TCF7L2: variants seen among roughly 807,000 people sequenced by gnomAD.
TCF7L2 encodes the protein transcription factor 7-like 2.
In TCF7L2, 23 loss-of-function variants were observed where a neutral mutation model predicts 77.9. That is an observed-to-expected ratio of 0.30 (90% confidence interval 0.21 to 0.42). The LOEUF (loss-of-function observed/expected upper bound fraction) is 0.42. TCF7L2 is among the 10% of genes least tolerant of loss of function. TCF7L2 has a pLI of 1.00. For synonymous variants in TCF7L2, 413 were observed against 340.2 expected, an observed-to-expected ratio of 1.21 and a Z score of -2.36; for missense variants, 654 against 793.1, an observed-to-expected ratio of 0.82 and a Z score of 2.11.
At chr10:113,016,928 T>C (rs2047429589) in intron 4 of TCF7L2, among the ~76,000 whole-genome samples, 1 of 152,162 alleles carries the variant, frequency 6.6e-6, no homozygotes, top group South Asian at 2.1e-4. Context: ...CTAAACTTGC[T>C]GGTGTCTCTC....
At chr10:113,065,849 T>A (rs369795592) in intron 5 of TCF7L2, among the ~76,000 whole-genome samples, 1 of 152,216 alleles carries the variant, frequency 6.6e-6, no homozygotes, top group Non-Finnish European at 1.5e-5. Flanking sequence ...AAACATGATA[T>A]GTTGCTTTGC....
intron 5 of TCF7L2, among the ~76,000 whole-genome samples, chr10:113,076,696 C>G (rs562992843): frequency 6.6e-6 from 1 of 152,198 alleles, no homozygotes; most frequent in Non-Finnish European, 1.5e-5. Flanking sequence ...GCGGTTCCCA[C>G]TTTAACCTTG....
chr10:113,045,052 G>A (rs1470801558), intron 5 of TCF7L2, among the ~76,000 whole-genome samples: 1 of 152,156 alleles, frequency 6.6e-6, no homozygotes, highest in Non-Finnish European at 1.5e-5. Flanking sequence ...TAGGTAGATG[G>A]AGATGCTTCA....
chr10:112,995,703 C>G (rs999225112), intron 4 of TCF7L2, among the ~76,000 whole-genome samples: 1 of 152,172 alleles, frequency 6.6e-6, no homozygotes, highest in African/African-American at 2.4e-5. Flanking sequence ...GTCATTCCCT[C>G]GGAGAGGCCC....
At chr10:113,159,328 T>C (rs1564982955) in intron 12 of TCF7L2, among the ~76,000 whole-genome samples, 1 of 152,048 alleles carries the variant, frequency 6.6e-6, no homozygotes, top group Non-Finnish European at 1.5e-5. Flanking sequence ...TGAAAATAGA[T>C]TTAAAAAAAA....
intron 5 of TCF7L2, among the ~76,000 whole-genome samples, chr10:113,079,661 TCC>T (rs1182390933): frequency 6.6e-6 from 1 of 151,954 alleles, no homozygotes; most frequent in Non-Finnish European, 1.5e-5. Context: ...GATGGACCCA[TCC>T]CTTTTTTTTT....
In TCF7L2 at chr10:113,152,452, A is replaced by G. The variant is rs755755125; in HGVS notation, c.1269+12A>G. 4.2e-5 allele frequency: 68 copies of G among 1,605,032 alleles called. No homozygotes were observed. The highest frequency in any genetic ancestry group is 5.4e-5 in the Non-Finnish European group (63 of 1,173,208). On this transcript the variant is annotated intron_variant, in intron 11 of 13. Coordinates refer to ENST00000627217, the MANE Select transcript of TCF7L2 (RefSeq NM_001146274.2). ...CGCGGGATAACTATGTAGGTGGATCATTTTCGTTAGGATTGGAGTCTGTAG... is the reference window on the plus strand; with the variant it reads ...CGCGGGATAACTATGTAGGTGGATCGTTTTCGTTAGGATTGGAGTCTGTAG...
At chr10:113,097,662 A>C (rs1351063478) in intron 5 of TCF7L2, among the ~76,000 whole-genome samples, 9 of 146,782 alleles carry the variant, frequency 6.1e-5, no homozygotes, top group African/African-American at 1.0e-4. Flanking sequence ...AAAAAAAAAA[A>C]AAAAAAAAAA....
In TCF7L2 at chr10:113,094,219, G is replaced by A; in HGVS notation, c.553-46965G>A. On this transcript the variant is annotated intron_variant, in intron 5 of 13. Transcript: ENST00000627217. ...TTTGCCAAGCTAGACACATAAACAG[G>A]GAGTTAGCCATTTTGGTGAGAGGAA... Among the ~76,000 whole-genome samples the A allele has an allele frequency of 1.3e-5, 2 of 152,176 alleles. 1 individual carries two copies. The highest frequency in any genetic ancestry group is 1.3e-4 in the Admixed American group (2 of 15,278).
intron 3 of TCF7L2, among the ~76,000 whole-genome samples, chr10:112,953,569 C>T (rs1293516084): frequency 1.3e-5 from 2 of 152,354 alleles, no homozygotes; most frequent in East Asian, 1.9e-4. Context: ...TTAAAATCCA[C>T]TTAACCATCT....
At chr10:112,975,210 T>A (rs946729640) in intron 4 of TCF7L2, among the ~76,000 whole-genome samples, 1 of 150,500 alleles carries the variant, frequency 6.6e-6, no homozygotes, top group African/African-American at 2.5e-5. Context: ...ACATCAAACA[T>A]ATGTGGAGTC....
At chr10:113,076,139 A>AAAAAAAAAAAAAAAAAAAAAC (rs2058671080) in intron 5 of TCF7L2, among the ~76,000 whole-genome samples, 1 of 150,666 alleles carries the variant, frequency 6.6e-6, no homozygotes, top group African/African-American at 2.4e-5. Flanking sequence ...CCATCTCAAA[A>AAAAAAAAAAAAAAAAAAAAAC]AAAAAAAAAA....
At chr10:113,116,086 T>C (rs1013190164) in intron 5 of TCF7L2, among the ~76,000 whole-genome samples, 4 of 152,204 alleles carry the variant, frequency 2.6e-5, no homozygotes, top group South Asian at 2.1e-4. Flanking sequence ...TGTATGTAGC[T>C]GACAACAATG....
chr10:113,164,382 C>T (rs542808970), intron 13 of TCF7L2, among the ~76,000 whole-genome samples: 7 of 152,290 alleles, frequency 4.6e-5, no homozygotes, highest in East Asian at 3.9e-4. Context: ...GGTTTAAACA[C>T]GAATCACGAT....
At chr10:113,152,224 C>G in intron 10 of TCF7L2, 109 bp from the exon 11 acceptor site, 1 of 1,032,854 alleles carries the variant, frequency 9.7e-7, no homozygotes, top group Non-Finnish European at 1.5e-6. Context: ...ACGGACTCAC[C>G]CAAAAAGGCA....
chr10:113,014,062 A>G lies in TCF7L2; in HGVS notation c.451-25963A>G, dbSNP rs554158492. 6.6e-5 allele frequency among the ~76,000 whole-genome samples: 10 copies of G among 152,352 alleles called. No homozygotes were observed. In the East Asian group the frequency reaches 1.5e-3, roughly 24 times the overall value. ...GTCTCAAAACTTGGATGCAAAAAGA[A>G]GTTGAGTTAACACAGGAGGACAGGG... On this transcript the variant is annotated intron_variant, in intron 4 of 13. Coordinates refer to ENST00000627217, the MANE Select transcript of TCF7L2 (RefSeq NM_001146274.2).
intron 4 of TCF7L2, among the ~76,000 whole-genome samples, 198 bp downstream of exon 4, chr10:112,964,822 T>TGGTGGTGGTGATGGTGGTGGTGG (rs1554875168): frequency 4.1e-5 from 3 of 73,564 alleles, no homozygotes; most frequent in Admixed American, 1.4e-4. Flanking sequence ...TGGGGGGGGG[T>TGGTGGTGGTGATGGTGGTGGTGG]TGAATCACTG....
At position 112,979,741 on chromosome 10, in the gene TCF7L2, G is replaced by A. The variant is rs1472897487; in HGVS notation, c.450+15117G>A. On this transcript the variant is annotated intron_variant, in intron 4 of 13. Transcript: ENST00000627217. ...ACTGTACTCCAGCCTAGGTGACGGA[G>A]CAAGACCCTGTCTCAAAAAAAAATA... 4.0e-5 allele frequency among the ~76,000 whole-genome samples: 6 copies of A among 150,786 alleles called. No individual in the cohort carries two copies. In the Admixed American group the frequency reaches 4.0e-4, roughly 10 times the overall value.
chr10:113,149,672 C>T (rs183453188), intron 8 of TCF7L2, among the ~76,000 whole-genome samples: 2 of 145,106 alleles, frequency 1.4e-5, no homozygotes, highest in African/African-American at 4.9e-5. Flanking sequence ...GATCGATCCT[C>T]ATTAGGCCCT....
Sources: allele counts gnomAD v4.1 joint callset (sites outside exome capture counted in the v4.1 genomes callset), GRCh38; gene constraint gnomAD v4.1.1; transcripts MANE v1.5; gene names NCBI Gene and HGNC (gene_info 2026-07-23, HGNC 2026-07-21).